Variants in RPRD1A observed in about 807,000 individuals in gnomAD.
RPRD1A encodes the protein regulation of nuclear pre-mRNA domain-containing protein 1A.
Under a neutral mutation model 37.8 loss-of-function variants are expected in RPRD1A, and 9 were observed. The observed-to-expected ratio is 0.24, with a 90% CI of 0.14 to 0.42. The LOEUF is 0.42. Among genes scored for constraint, RPRD1A ranks in the 10% least tolerant of loss-of-function variants. RPRD1A has a pLI of 1.00. For synonymous variants in RPRD1A, 138 were observed against 139.7 expected, an observed-to-expected ratio of 0.99 and a Z score of 0.08; for missense variants, 255 against 371.0, an observed-to-expected ratio of 0.69 and a Z score of 2.57.
rs552024095 is a variant in RPRD1A at position 36,021,508 on chromosome 18, A to G, written c.789+5392T>C. 4.6e-5 allele frequency among the ~76,000 whole-genome samples: 7 copies of G among 152,320 alleles called. No individual in the cohort carries two copies. The South Asian group carries it at 1.0e-3, about 23-fold the overall frequency. ...GAGACACAACATTGGAATTGGGCCA[A>G]TTAAGAATCCTACCATGGCCTCTAA... On this transcript the variant is annotated intron_variant, in intron 6 of 6. Coordinates refer to ENST00000399022, the MANE Select transcript of RPRD1A (RefSeq NM_018170.5).
At chr18:35,999,679 G>A (rs992918030) in intron 6 of RPRD1A, among the ~76,000 whole-genome samples, 1 of 151,830 alleles carries the variant, frequency 6.6e-6, no homozygotes, top group Non-Finnish European at 1.5e-5. Flanking sequence ...CATCCATATG[G>A]GGATCTTTAG....
intron 6 of RPRD1A, among the ~76,000 whole-genome samples, chr18:36,000,223 T>C (rs1420192411): frequency 2.0e-5 from 3 of 152,218 alleles, no homozygotes; most frequent in Admixed American, 2.0e-4. Context: ...TGGCTTGGTA[T>C]CTAATCCTGG....
intron 6 of RPRD1A, among the ~76,000 whole-genome samples, chr18:36,002,226 T>A (rs1415314395): frequency 6.6e-6 from 1 of 152,234 alleles, no homozygotes; most frequent in Non-Finnish European, 1.5e-5. Flanking sequence ...CTTTCCAGTA[T>A]TCCAAGCCCA....
chr18:35,999,603 C>T (rs1031349818), intron 6 of RPRD1A, among the ~76,000 whole-genome samples: 2 of 151,938 alleles, frequency 1.3e-5, no homozygotes, highest in Non-Finnish European at 2.9e-5. Flanking sequence ...CTTGCAGATG[C>T]TGCTAATAAT....
intron 6 of RPRD1A, among the ~76,000 whole-genome samples, chr18:35,996,307 T>C (rs185281916): frequency 3.3e-5 from 5 of 152,310 alleles, no homozygotes; most frequent in Non-Finnish European, 7.3e-5. Context: ...ACTAAACATT[T>C]TCCCAGATTA....
At chr18:36,041,471 C>A (rs1322856644) in intron 1 of RPRD1A, among the ~76,000 whole-genome samples, 1 of 152,160 alleles carries the variant, frequency 6.6e-6, no homozygotes, top group African/African-American at 2.4e-5. Flanking sequence ...GGAGATAGAT[C>A]TAATTCAGTT....
chr18:36,021,529 T>G (rs1910994202), intron 6 of RPRD1A, among the ~76,000 whole-genome samples: 1 of 152,204 alleles, frequency 6.6e-6, no homozygotes. Flanking sequence ...TACCATGGCC[T>G]CTAAATGTTC....
chr18:36,005,154 C>A (rs552040836), intron 6 of RPRD1A, among the ~76,000 whole-genome samples: 4 of 151,948 alleles, frequency 2.6e-5, no homozygotes, highest in Admixed American at 1.3e-4. Flanking sequence ...ACAAAAAATT[C>A]TCTGGGCGTG....
chr18:36,011,059 T>G (rs903316754), intron 6 of RPRD1A, among the ~76,000 whole-genome samples: 2 of 152,236 alleles, frequency 1.3e-5, no homozygotes, highest in Admixed American at 6.5e-5. Flanking sequence ...ATTTCACTGG[T>G]TAAACGCTAG....
chr18:36,058,797 G>A (rs1913968809), intron 1 of RPRD1A, among the ~76,000 whole-genome samples: 1 of 152,156 alleles, frequency 6.6e-6, no homozygotes, highest in African/African-American at 2.4e-5. Context: ...TCACAAGAAT[G>A]CTCATCTATT....
chr18:36,053,865 CA>C (rs1008856014), intron 1 of RPRD1A, among the ~76,000 whole-genome samples: 2 of 151,642 alleles, frequency 1.3e-5, no homozygotes, highest in African/African-American at 4.8e-5. Flanking sequence ...AAAACAACAA[CA>C]AAAAAAGCTG....
intron 6 of RPRD1A, among the ~76,000 whole-genome samples, chr18:36,000,099 G>A (rs527722563): frequency 3.3e-5 from 5 of 152,062 alleles, no homozygotes; most frequent in African/African-American, 4.8e-5. Flanking sequence ...ATGTCAGGGC[G>A]TTTCTGAGAC....
Position 36,067,252 on chromosome 18 carries a change from ACCTTTCCGC to A in RPRD1A, c.144_151+1del. ...AGCGGCCGACATAAGCGGTTGACTC[ACCTTTCCGC>A]AGCTCCCGCTCCCACACGGTGACGA... is the stretch of plus-strand genomic sequence containing the variant. On this transcript the variant is annotated splice_donor_variant and coding_sequence_variant, in exon 1 of 7. Coordinates refer to ENST00000399022, the MANE Select transcript of RPRD1A (RefSeq NM_018170.5). LOFTEE classifies it high-confidence loss of function. The A allele has an allele frequency of 6.3e-7, 1 of 1,579,880 alleles. No individual in the cohort carries two copies. Among genetic ancestry groups the A allele is most frequent in the Non-Finnish European group, 8.6e-7 (1 of 1,163,310 alleles).
chr18:36,065,687 A>G lies in RPRD1A; in HGVS notation c.151+1567T>C, dbSNP rs180880613. On this transcript the variant is annotated intron_variant, in intron 1 of 6. Transcript: ENST00000399022. Reference sequence around the variant, plus strand: ...CTACAAAATAGTTACATATTTTTACATTCCCACCAAGTGGTATAAGAGTTC... The same window carrying G: ...CTACAAAATAGTTACATATTTTTACGTTCCCACCAAGTGGTATAAGAGTTC... Among the ~76,000 whole-genome samples, 671 of 152,316 alleles carry G rather than the reference A, an allele frequency of 4.4e-3. 4 individuals carry two copies. Among genetic ancestry groups the G allele is most frequent in the African/African-American group, 0.015 (627 of 41,576 alleles).
chr18:36,052,917 T>C (rs1337029477), intron 1 of RPRD1A: 1 of 151,902 alleles, frequency 6.6e-6, no homozygotes, highest in East Asian at 1.9e-4. Flanking sequence ...ATTTAAGAGG[T>C]TAACTGAAAT....
intron 6 of RPRD1A, among the ~76,000 whole-genome samples, chr18:35,999,649 AAAAG>A (rs974846707): frequency 2.0e-5 from 3 of 152,188 alleles, no homozygotes; most frequent in African/African-American, 4.8e-5. Flanking sequence ...TGACAAAAAA[AAAAG>A]AGAGAATTTC....
At chr18:36,027,509 CAGGACAAGGCCCT>C in intron 4 of RPRD1A, 199 bp from the exon 5 acceptor site, 1 of 544,540 alleles carries the variant, frequency 1.8e-6, no homozygotes, top group African/African-American at 1.9e-5. Flanking sequence ...AAAATATAAA[CAGGACAAGGCCCT>C]AGACCTTGAA....
intron 6 of RPRD1A, among the ~76,000 whole-genome samples, chr18:36,010,407 T>G (rs1910104056): frequency 6.6e-6 from 1 of 152,124 alleles, no homozygotes; most frequent in African/African-American, 2.4e-5. Flanking sequence ...GTGGGAGGAT[T>G]GCTTGAGCCC....
At chr18:36,045,605 G>A (rs1048092977) in intron 1 of RPRD1A, among the ~76,000 whole-genome samples, 1 of 152,202 alleles carries the variant, frequency 6.6e-6, no homozygotes, top group Non-Finnish European at 1.5e-5. Flanking sequence ...CTTCCAGAAA[G>A]ACTGAAAGCT....
Sources: allele counts gnomAD v4.1 joint callset (sites outside exome capture counted in the v4.1 genomes callset), GRCh38; gene constraint gnomAD v4.1.1; transcripts MANE v1.5; gene names NCBI Gene and HGNC (gene_info 2026-07-23, HGNC 2026-07-21).